RASGRF2: variants seen among roughly 807,000 people sequenced by gnomAD.
The protein encoded by RASGRF2 is Ras protein specific guanine nucleotide releasing factor 2, also known as ras-specific guanine nucleotide-releasing factor 2.
In RASGRF2, 76 loss-of-function variants were observed where a neutral mutation model predicts 151.0. The ratio of observed to expected loss-of-function variants is 0.50; its 90% CI spans 0.42 to 0.61. The LOEUF is 0.61. Ranked by LOEUF, RASGRF2 falls within the 20% of genes least tolerant of loss-of-function variation. RASGRF2 has a pLI of 0.00. For missense variants in RASGRF2, 1,148 were observed against 1,564.6 expected (o/e 0.73, Z 4.49); for synonymous variants, 504 against 566.5 (o/e 0.89, Z 1.57).
At chr5:81,217,566 T>TTATA in intron 25 of RASGRF2, 93 bp downstream of exon 25, 1 of 870,616 alleles carries the variant, frequency 1.1e-6, no homozygotes, top group Non-Finnish European at 1.6e-6. Context: ...GCTTTTTTTT[T>TTATA]TTCTCTTCTT....
intron 1 of RASGRF2, among the ~76,000 whole-genome samples, chr5:81,009,944 G>A (rs1749401689): frequency 6.6e-6 from 1 of 152,036 alleles, no homozygotes; most frequent in Non-Finnish European, 1.5e-5. Context: ...GGATCACAAG[G>A]TCAGGAGTTC....
At chr5:81,085,058 T>G (rs1443450363) in intron 7 of RASGRF2, among the ~76,000 whole-genome samples, 1 of 152,222 alleles carries the variant, frequency 6.6e-6, no homozygotes, top group Non-Finnish European at 1.5e-5. Context: ...ACTGGACACA[T>G]TGGCAAAGCC....
chr5:80,994,150 G>C (rs1206091095), intron 1 of RASGRF2, among the ~76,000 whole-genome samples: 3 of 151,986 alleles, frequency 2.0e-5, no homozygotes, highest in Non-Finnish European at 4.4e-5. Context: ...CGGATCACGA[G>C]GTCAGGAGAT....
chr5:81,109,960 G>A (rs536670296), intron 13 of RASGRF2, among the ~76,000 whole-genome samples: 1 of 152,258 alleles, frequency 6.6e-6, no homozygotes, highest in Admixed American at 6.5e-5. Context: ...GCAGAGTGAA[G>A]TTTTATGTAT....
At chr5:81,132,253 G>A (rs1052109493) in intron 17 of RASGRF2, among the ~76,000 whole-genome samples, 32 of 152,090 alleles carry the variant, frequency 2.1e-4, no homozygotes, top group Non-Finnish European at 4.3e-4. Flanking sequence ...AATGCTTACC[G>A]AATTAATGAA....
intron 15 of RASGRF2, among the ~76,000 whole-genome samples, chr5:81,116,234 C>T (rs1156922378): frequency 6.6e-6 from 1 of 151,796 alleles, no homozygotes; most frequent in Non-Finnish European, 1.5e-5. Flanking sequence ...AGGCACGCAC[C>T]ATCATGCCTT....
At chr5:81,053,410 A>G in intron 2 of RASGRF2, among the ~76,000 whole-genome samples, 1 of 151,800 alleles carries the variant, frequency 6.6e-6, no homozygotes, top group Non-Finnish European at 1.5e-5. Context: ...TTTGCTGAGA[A>G]TGATGGTTTC....
chr5:81,040,076 A>G (rs1750633124), intron 1 of RASGRF2, among the ~76,000 whole-genome samples: 2 of 152,288 alleles, frequency 1.3e-5, no homozygotes, highest in South Asian at 2.1e-4. Flanking sequence ...TGCTCACTGC[A>G]TCCTGCAGCC....
At chr5:81,000,798 G>T (rs1369841960) in intron 1 of RASGRF2, among the ~76,000 whole-genome samples, 1 of 152,174 alleles carries the variant, frequency 6.6e-6, no homozygotes, top group African/African-American at 2.4e-5. Context: ...CTTTAGCAAA[G>T]AAAGGCTCTG....
chr5:81,186,062 A>G (rs1755018812), intron 18 of RASGRF2, among the ~76,000 whole-genome samples: 1 of 152,216 alleles, frequency 6.6e-6, no homozygotes, highest in South Asian at 2.1e-4. Flanking sequence ...CTATCAAAAT[A>G]GCTCAGCTGT....
At chr5:81,176,270 G>A (rs971495088) in intron 17 of RASGRF2, among the ~76,000 whole-genome samples, 1 of 152,142 alleles carries the variant, frequency 6.6e-6, no homozygotes, top group East Asian at 1.9e-4. Flanking sequence ...CTGCTAATTG[G>A]TGGCAGTAAT....
At chr5:81,189,991 C>T (rs573672492) in intron 18 of RASGRF2, among the ~76,000 whole-genome samples, 3 of 152,170 alleles carry the variant, frequency 2.0e-5, no homozygotes, top group Non-Finnish European at 4.4e-5. Flanking sequence ...GGATTACAGG[C>T]GTGAGCCACT....
chr5:80,960,727 C>G lies in RASGRF2; in HGVS notation c.-12C>G. The G allele has an allele frequency of 6.5e-7, 1 of 1,534,914 alleles. No homozygotes were observed. The highest frequency in any genetic ancestry group is 8.8e-7 in the Non-Finnish European group (1 of 1,133,272). The stretch of plus-strand genomic sequence containing the variant: ...GACCGGCGGCCACCCGTGAGCCCTC[C>G]GCACCCGCACCATGCAGAAGAGCGT... On this transcript the variant is annotated 5_prime_UTR_variant, in exon 1 of 27. Transcript: ENST00000265080. The surrounding 1 kb of genome is among the most constrained non-coding windows in gnomAD (Gnocchi z 5.5).
chr5:81,205,586 T>C (rs1452345657), intron 19 of RASGRF2, among the ~76,000 whole-genome samples: 2 of 152,214 alleles, frequency 1.3e-5, no homozygotes, highest in African/African-American at 4.8e-5. Context: ...TTTAATCAAC[T>C]CAGAACACAA....
intron 1 of RASGRF2, among the ~76,000 whole-genome samples, chr5:80,982,654 G>A (rs537522194): frequency 1.3e-5 from 2 of 149,602 alleles, no homozygotes; most frequent in East Asian, 4.0e-4. Context: ...AGGCTGGAGT[G>A]CAGTGGCACA....
chr5:81,088,872 C>A (rs910705452), intron 9 of RASGRF2, among the ~76,000 whole-genome samples: 7 of 152,118 alleles, frequency 4.6e-5, no homozygotes, highest in Admixed American at 2.0e-4. Context: ...TGAACAATTT[C>A]TCCCTTTATT....
At chr5:81,021,936 A>G (rs1224541861) in intron 1 of RASGRF2, among the ~76,000 whole-genome samples, 10 of 152,110 alleles carry the variant, frequency 6.6e-5, no homozygotes, top group African/African-American at 1.9e-4. Context: ...TGGGACAGGG[A>G]GGTGAAAAAA....
intron 2 of RASGRF2, among the ~76,000 whole-genome samples, chr5:81,049,015 G>C (rs1332876289): frequency 2.6e-5 from 4 of 151,954 alleles, no homozygotes; most frequent in Non-Finnish European, 5.9e-5. Flanking sequence ...TTCCTGGTGG[G>C]TTTTGTCCCT....
intron 17 of RASGRF2, among the ~76,000 whole-genome samples, chr5:81,174,140 C>T (rs532828187): frequency 6.6e-6 from 1 of 152,206 alleles, no homozygotes; most frequent in East Asian, 1.9e-4. Flanking sequence ...TGAGAAAAAC[C>T]AAGGAGAGAC....
Sources: gnomAD v4.1 joint callset for allele counts (sites outside exome capture counted in the v4.1 genomes callset) on GRCh38, gnomAD v4.1.1 for gene constraint, Gnocchi (gnomAD v3.1) non-coding constraint, MANE v1.5 for transcripts, NCBI Gene and HGNC (gene_info 2026-07-23, HGNC 2026-07-21) for gene names.